The following COG5 variants were observed in gnomAD, a reference collection of about 807,000 sequenced individuals.
COG5 encodes the protein conserved oligomeric Golgi complex subunit 5.
COG5 carries 86 observed loss-of-function variants against 110.4 expected under a neutral mutation model. That is an observed-to-expected ratio of 0.78 (90% CI 0.65 to 0.93). COG5 has a LOEUF of 0.93. COG5 is among the 40% of genes least tolerant of loss of function. COG5 has a pLI of 0.00. For missense variants in COG5, 1,077 were observed against 987.0 expected, an observed-to-expected ratio of 1.09 and a Z score of -1.22; for synonymous variants, 360 against 334.6, an observed-to-expected ratio of 1.08 and a Z score of -0.83.
intron 6 of COG5, among the ~76,000 whole-genome samples, chr7:107,458,509 T>A (rs1459920521): frequency 6.6e-6 from 1 of 152,066 alleles, no homozygotes; most frequent in Non-Finnish European, 1.5e-5. Flanking sequence ...ACTGTGTGAG[T>A]TAAGCATGTA....
chr7:107,402,045 CATA>C (rs1791471333), intron 7 of COG5, among the ~76,000 whole-genome samples: 1 of 152,110 alleles, frequency 6.6e-6, no homozygotes, highest in Non-Finnish European at 1.5e-5. Flanking sequence ...GAAAAGAGCT[CATA>C]ATATCAAAAT....
intron 6 of COG5, among the ~76,000 whole-genome samples, chr7:107,428,011 T>A (rs1009472421): frequency 1.3e-5 from 2 of 151,816 alleles, no homozygotes; most frequent in African/African-American, 2.4e-5. Flanking sequence ...TTTGTGAGTA[T>A]GCAAAAAAGA....
intron 10 of COG5, among the ~76,000 whole-genome samples, chr7:107,350,326 T>A (rs1812021605): frequency 6.6e-6 from 1 of 152,210 alleles, no homozygotes; most frequent in Admixed American, 6.5e-5. Context: ...CTTTTTGTAA[T>A]CTTGTGTTTA....
At chr7:107,510,681 T>A (rs1170340605) in intron 6 of COG5, among the ~76,000 whole-genome samples, 1 of 151,946 alleles carries the variant, frequency 6.6e-6, no homozygotes, top group Non-Finnish European at 1.5e-5. Flanking sequence ...AAACAGAAAT[T>A]ATAACAAACT....
intron 15 of COG5, 81 bp from the exon 16 acceptor site, chr7:107,256,875 G>C: frequency 2.1e-6 from 2 of 945,992 alleles, no homozygotes; most frequent in Admixed American, 3.7e-5. Context: ...GCATAATAAA[G>C]CTGTTTCCAC....
intron 6 of COG5, among the ~76,000 whole-genome samples, chr7:107,467,344 A>T (rs1355076821): frequency 6.6e-6 from 1 of 152,064 alleles, no homozygotes; most frequent in Non-Finnish European, 1.5e-5. Context: ...TCATAAATTG[A>T]TAATCTGAAA....
intron 5 of COG5, among the ~76,000 whole-genome samples, chr7:107,544,643 G>C (rs1802285541): frequency 6.6e-6 from 1 of 152,168 alleles, no homozygotes; most frequent in Non-Finnish European, 1.5e-5. Context: ...TCTCTGGTCA[G>C]GCTAATTGGT....
chr7:107,532,595 T>C (rs1201911787), intron 5 of COG5, among the ~76,000 whole-genome samples: 1 of 152,178 alleles, frequency 6.6e-6, no homozygotes, highest in Non-Finnish European at 1.5e-5. Context: ...AATCTCAAGT[T>C]CATACTGATA....
chr7:107,366,693 G>A (rs1215540756), intron 8 of COG5, among the ~76,000 whole-genome samples: 2 of 152,050 alleles, frequency 1.3e-5, no homozygotes, highest in Non-Finnish European at 2.9e-5. Flanking sequence ...AGTTGGTAAA[G>A]CAACGTCTGA....
chr7:107,208,917 C>T, intron 21 of COG5: 2 of 985,402 alleles, frequency 2.0e-6, no homozygotes, highest in Non-Finnish European at 2.4e-6. Context: ...CCCACTATGG[C>T]AGGGGTTCAC....
At chr7:107,502,368 A>G (rs536868309) in intron 6 of COG5, among the ~76,000 whole-genome samples, 1 of 152,198 alleles carries the variant, frequency 6.6e-6, no homozygotes, top group East Asian at 1.9e-4. Context: ...GCTGAGTAGT[A>G]TTACATGGTG....
At chr7:107,440,482 C>T (rs1420159744) in intron 6 of COG5, among the ~76,000 whole-genome samples, 2 of 152,056 alleles carry the variant, frequency 1.3e-5, no homozygotes, top group Admixed American at 6.6e-5. Flanking sequence ...GGCACAGCCC[C>T]TAAAATCCTT....
At chr7:107,512,942 C>A (rs1422016000) in intron 6 of COG5, among the ~76,000 whole-genome samples, 2 of 152,108 alleles carry the variant, frequency 1.3e-5, no homozygotes, top group Non-Finnish European at 2.9e-5. Flanking sequence ...ACCATAAAAA[C>A]CCTAGAAGAA....
chr7:107,352,527 C>T (rs1812253494), intron 10 of COG5, among the ~76,000 whole-genome samples: 1 of 136,464 alleles, frequency 7.3e-6, no homozygotes, highest in Non-Finnish European at 1.6e-5. Flanking sequence ...AAAAAAAAAC[C>T]AGAAATCTAC....
intron 6 of COG5, among the ~76,000 whole-genome samples, chr7:107,419,919 G>T (rs1257317078): frequency 6.6e-6 from 1 of 152,058 alleles, no homozygotes; most frequent in Non-Finnish European, 1.5e-5. Flanking sequence ...TAAATAACAC[G>T]TTCATGTAAC....
intron 7 of COG5, among the ~76,000 whole-genome samples, chr7:107,393,719 G>C (rs1377989554): frequency 6.6e-6 from 1 of 152,122 alleles, no homozygotes; most frequent in Non-Finnish European, 1.5e-5. Flanking sequence ...AATTGTAAAA[G>C]ATCTCAAACA....
intron 14 of COG5, among the ~76,000 whole-genome samples, chr7:107,261,845 T>G (rs1459502192): frequency 1.3e-5 from 2 of 152,106 alleles, no homozygotes; most frequent in African/African-American, 4.8e-5. Context: ...TATTTTTAAT[T>G]TTAATTTCTG....
intron 14 of COG5, among the ~76,000 whole-genome samples, chr7:107,269,453 C>A (rs568721050): frequency 2.1e-5 from 3 of 144,664 alleles, no homozygotes; most frequent in Non-Finnish European, 3.0e-5. Context: ...CCAGCCTGGG[C>A]GACAGAGCAA....
intron 14 of COG5, among the ~76,000 whole-genome samples, chr7:107,267,940 T>C (rs1803934236): frequency 6.6e-6 from 1 of 152,186 alleles, no homozygotes; most frequent in African/African-American, 2.4e-5. Context: ...TAATCTTACA[T>C]GCATTATTAC....
Sources: gnomAD v4.1 joint callset for allele counts (sites outside exome capture counted in the v4.1 genomes callset) on GRCh38, gnomAD v4.1.1 for gene constraint, MANE v1.5 for transcripts, NCBI Gene and HGNC (gene_info 2026-07-23, HGNC 2026-07-21) for gene names.